CLCN5: variants seen among roughly 807,000 people sequenced by gnomAD.
The protein encoded by CLCN5 is H(+)/Cl(-) exchange transporter 5.
A neutral mutation model predicts 54.0 loss-of-function variants in CLCN5; 17 were observed. The observed-to-expected ratio is 0.31, with a 90% CI of 0.22 to 0.47. The LOEUF (loss-of-function observed/expected upper bound fraction) is 0.47, where lower values mean the gene tolerates loss of function less well. Ranked by LOEUF, CLCN5 falls within the 20% of genes least tolerant of loss-of-function variation. The pLI is 1.00. For synonymous variants in CLCN5, 222 were observed against 233.0 expected (o/e 0.95, Z 0.43); for missense variants, 448 against 646.7 (o/e 0.69, Z 3.33).
intron 14 of CLCN5, among the ~76,000 whole-genome samples, chrX:50,091,793 C>T (rs1050954527): frequency 8.9e-6 from 1 of 112,436 alleles, no homozygotes; most frequent in African/African-American, 3.2e-5. Flanking sequence ...GGCAGAGTTC[C>T]TGCTGGCTCA....
intron 3 of CLCN5, among the ~76,000 whole-genome samples, chrX:50,040,408 C>A (rs1467243626): frequency 8.9e-6 from 1 of 111,806 alleles, no homozygotes; most frequent in Non-Finnish European, 1.9e-5. Flanking sequence ...AACTTTGTAT[C>A]CTTCCCTACC....
At chrX:49,955,848 C>T (rs1423501239) in intron 3 of CLCN5, among the ~76,000 whole-genome samples, 10 of 111,745 alleles carry the variant, frequency 8.9e-5, no homozygotes, top group Non-Finnish European at 1.9e-4. Context: ...TATGTTTCAT[C>T]AGTTGATGGG....
intron 12 of CLCN5, 80 bp from the exon 13 acceptor site, chrX:50,090,036 C>A (rs1934033367): frequency 1.9e-6 from 2 of 1,067,160 alleles, no homozygotes; most frequent in South Asian, 1.9e-5. Context: ...TTTGGTAGGT[C>A]AGCTTTTCCT....
intron 4 of CLCN5, among the ~76,000 whole-genome samples, chrX:50,043,824 A>T (rs1255463186): frequency 8.9e-6 from 1 of 111,845 alleles, no homozygotes; most frequent in African/African-American, 3.2e-5. Context: ...TATTGTACTT[A>T]GAAAGGACAG....
intron 3 of CLCN5, among the ~76,000 whole-genome samples, chrX:50,034,953 T>C (rs1482374050): frequency 9.0e-6 from 1 of 111,649 alleles, no homozygotes; most frequent in Non-Finnish European, 1.9e-5. Flanking sequence ...GTTTTTATCA[T>C]GTTGCTCCTC....
chrX:50,060,033 T>C (rs931352640), intron 4 of CLCN5, among the ~76,000 whole-genome samples: 17 of 105,756 alleles, frequency 1.6e-4, no homozygotes, highest in Admixed American at 1.1e-4. Context: ...CAGGTAAAAT[T>C]GTGTTTACTA....
chrX:49,928,244 G>A (rs1237437656), intron 3 of CLCN5, among the ~76,000 whole-genome samples: 1 of 111,811 alleles, frequency 8.9e-6, no homozygotes, highest in African/African-American at 3.3e-5. Context: ...TTGTATACGT[G>A]TATCAAAATA....
At chrX:50,000,266 G>C (rs1260017731) in intron 3 of CLCN5, among the ~76,000 whole-genome samples, 4 of 109,979 alleles carry the variant, frequency 3.6e-5, no homozygotes, top group African/African-American at 1.3e-4. Context: ...TCGCAGGACT[G>C]TGAGCCTTCT....
chrX:49,935,850 A>G (rs910971780), intron 3 of CLCN5, among the ~76,000 whole-genome samples: 1 of 110,783 alleles, frequency 9.0e-6, no homozygotes, highest in Admixed American at 9.6e-5. Context: ...CAGGCCACAC[A>G]GGGTTTTATA....
intron 4 of CLCN5, among the ~76,000 whole-genome samples, chrX:50,045,238 C>T (rs782638369): frequency 3.6e-5 from 4 of 111,240 alleles, no homozygotes; most frequent in African/African-American, 1.3e-4. Context: ...GAGAGGGCCC[C>T]TGAATTTAAA....
Position 49,940,023 on chromosome X carries a change from C to T in CLCN5, c.16+14709C>T, listed in dbSNP as rs782014347. On this transcript the variant is annotated intron_variant, in intron 3 of 14. Transcript: ENST00000376091. Reference sequence around the variant, plus strand: ...TCTGCCCAAAGCCCTTCAATTGCATCCCACTGTATATGGAATGAAGTATGA... The same window carrying T: ...TCTGCCCAAAGCCCTTCAATTGCATTCCACTGTATATGGAATGAAGTATGA... 5.4e-5 allele frequency among the ~76,000 whole-genome samples: 6 copies of T among 111,685 alleles called. No homozygotes were observed. In the East Asian group the frequency reaches 1.4e-3, roughly 26 times the overall value.
At chrX:49,930,391 A>G (rs1557168689) in intron 3 of CLCN5, among the ~76,000 whole-genome samples, 2 of 112,414 alleles carry the variant, frequency 1.8e-5, no homozygotes, top group East Asian at 5.6e-4. Flanking sequence ...ATGCACAAAG[A>G]TGTATCAATA....
At chrX:50,069,739 T>C (rs782040898) in intron 4 of CLCN5, 140 bp from the exon 5 acceptor site, 565 of 1,066,974 alleles carry the variant, frequency 5.3e-4, no homozygotes, top group Non-Finnish European at 6.5e-4. Context: ...TGGATGTTCC[T>C]ACCAGGTGAC....
Position 50,096,992 on chromosome X carries a change from AT to A in CLCN5, c.*4777del, listed in dbSNP as rs1212914532. The A allele has an allele frequency of 1.8e-5, 2 of 112,048 alleles. No homozygotes were observed. The highest frequency in any genetic ancestry group is 3.8e-5 in the Non-Finnish European group (2 of 53,246). 9.2% of individuals were successfully genotyped at this position (112,048 alleles called of 1,213,427 possible). Reference sequence around the variant, plus strand: ...ATAAGGTTTAGATAGATTGTCTTGAATTTTGATAGCAAATTTTTTTAAATTT... The same window carrying A: ...ATAAGGTTTAGATAGATTGTCTTGAATTTGATAGCAAATTTTTTTAAATTT... On this transcript the variant is annotated 3_prime_UTR_variant, in exon 15 of 15. Coordinates refer to ENST00000376091, the MANE Select transcript of CLCN5 (RefSeq NM_001127898.4).
chrX:50,015,781 T>C (rs1026449753), intron 3 of CLCN5, among the ~76,000 whole-genome samples: 1 of 110,933 alleles, frequency 9.0e-6, no homozygotes, highest in Non-Finnish European at 1.9e-5. Flanking sequence ...TCATTGCCCA[T>C]TGCAAATTTA....
At chrX:50,025,502 C>T (rs1280595088) in intron 3 of CLCN5, among the ~76,000 whole-genome samples, 3 of 111,079 alleles carry the variant, frequency 2.7e-5, no homozygotes, top group African/African-American at 9.8e-5. Flanking sequence ...TTGGCTCCTC[C>T]CCCTACATTA....
intron 4 of CLCN5, among the ~76,000 whole-genome samples, chrX:50,066,051 T>C (rs1428833034): frequency 9.7e-6 from 1 of 102,864 alleles, no homozygotes; most frequent in Non-Finnish European, 2.0e-5. Flanking sequence ...TTGGGAGATA[T>C]ACCTAATGCT....
intron 4 of CLCN5, among the ~76,000 whole-genome samples, chrX:50,063,281 AAG>A (rs1398690738): frequency 3.1e-5 from 3 of 95,853 alleles, no homozygotes; most frequent in African/African-American, 1.3e-4. Context: ...TAAAGAAAAA[AAG>A]AGAGAAGAAT....
At chrX:50,013,271 G>A (rs781967068) in intron 3 of CLCN5, 10 of 356,499 alleles carry the variant, frequency 2.8e-5, no homozygotes, top group Admixed American at 8.7e-5. Context: ...ATTGCATATC[G>A]GAGTTGTGAA....
Sources: allele counts gnomAD v4.1 joint callset (sites outside exome capture counted in the v4.1 genomes callset), GRCh38; gene constraint gnomAD v4.1.1; transcripts MANE v1.5; gene names NCBI Gene and HGNC (gene_info 2026-07-23, HGNC 2026-07-21).